Variants in TENM2 observed in about 807,000 individuals in gnomAD.
TENM2 encodes teneurin-2.
TENM2 carries 52 observed loss-of-function variants against 245.2 expected under a neutral mutation model. The ratio of observed to expected loss-of-function variants is 0.21; its 90% CI spans 0.17 to 0.27. TENM2 has a LOEUF of 0.27. Among genes scored for constraint, TENM2 ranks in the 10% least tolerant of loss-of-function variants. The probability of loss-of-function intolerance (pLI) is 1.00; values close to 1 mark genes in which losing one functional copy is unlikely to be tolerated. For missense variants in TENM2, 3,046 were observed against 3,666.8 expected (o/e 0.83, Z 4.37); for synonymous variants, 1,363 against 1,438.9 (o/e 0.95, Z 1.19).
intron 3 of TENM2, among the ~76,000 whole-genome samples, chr5:167,877,978 GC>G (rs1490844913): frequency 6.6e-6 from 1 of 152,098 alleles, no homozygotes; most frequent in Non-Finnish European, 1.5e-5. Flanking sequence ...CCTGCTGATA[GC>G]TTTTTAAAAA....
At chr5:167,911,109 G>A (rs1044347668) in intron 3 of TENM2, among the ~76,000 whole-genome samples, 1 of 152,074 alleles carries the variant, frequency 6.6e-6, no homozygotes, top group Non-Finnish European at 1.5e-5. Flanking sequence ...TCCTTTTGTA[G>A]TAAGGTACAA....
chr5:168,158,118 T>G (rs1394438919), intron 12 of TENM2, among the ~76,000 whole-genome samples: 1 of 152,142 alleles, frequency 6.6e-6, no homozygotes, highest in African/African-American at 2.4e-5. Flanking sequence ...ACATGAGATT[T>G]CACCATTTTG....
chr5:167,743,025 AC>A (rs1554109037), intron 2 of TENM2, among the ~76,000 whole-genome samples: 1 of 151,008 alleles, frequency 6.6e-6, no homozygotes, highest in Non-Finnish European at 1.5e-5. Context: ...ACAACAAACC[AC>A]CCATTCTGAG....
chr5:167,535,050 G>T (rs1014896505), intron 2 of TENM2, among the ~76,000 whole-genome samples: 6 of 152,056 alleles, frequency 3.9e-5, no homozygotes, highest in African/African-American at 1.4e-4. Flanking sequence ...TTCAAACCCA[G>T]TTGTAAAACT....
intron 2 of TENM2, among the ~76,000 whole-genome samples, chr5:167,863,150 G>A (rs956468851): frequency 6.6e-6 from 1 of 152,164 alleles, no homozygotes. Flanking sequence ...GAGAATAATA[G>A]TAACTGCTAG....
At chr5:167,183,021 T>A in the TENM2 span, among the ~76,000 whole-genome samples, 2 of 152,316 alleles carry the variant, frequency 1.3e-5, no homozygotes, top group Admixed American at 1.3e-4. Flanking sequence ...TTAATTTATG[T>A]TCTCCTGCCT....
intron 1 of TENM2, among the ~76,000 whole-genome samples, chr5:167,293,439 C>G (rs1489530175): frequency 7.0e-6 from 1 of 143,550 alleles, no homozygotes; most frequent in Non-Finnish European, 1.5e-5. Flanking sequence ...AGGCTGTTCT[C>G]AAACTCCTGA....
intron 2 of TENM2, among the ~76,000 whole-genome samples, chr5:167,496,623 G>A (rs188407140): frequency 2.6e-3 from 392 of 152,160 alleles, no homozygotes; most frequent in Admixed American, 4.7e-3. Flanking sequence ...TTACAATGCC[G>A]CTTTCTGATA....
intron 2 of TENM2, among the ~76,000 whole-genome samples, chr5:167,647,058 C>G (rs1040439288): frequency 1.3e-5 from 2 of 152,064 alleles, no homozygotes; most frequent in Non-Finnish European, 2.9e-5. Context: ...GGAGTTGAGG[C>G]GTGATAATAC....
intron 2 of TENM2, among the ~76,000 whole-genome samples, chr5:167,798,876 A>T (rs1458049763): frequency 2.0e-5 from 3 of 152,200 alleles, no homozygotes; most frequent in African/African-American, 7.2e-5. Flanking sequence ...AGGACTTAGT[A>T]TGCTGAACCC....
At chr5:167,538,971 T>G (rs1772019663) in intron 2 of TENM2, among the ~76,000 whole-genome samples, 1 of 152,212 alleles carries the variant, frequency 6.6e-6, no homozygotes, top group South Asian at 2.1e-4. Flanking sequence ...AGCATTATTA[T>G]AATCACAAAA....
the TENM2 span, among the ~76,000 whole-genome samples, chr5:167,075,179 G>C: frequency 5.3e-4 from 80 of 152,158 alleles, no homozygotes; most frequent in Middle Eastern, 3.4e-3. Flanking sequence ...GCAAGTAACA[G>C]ACCAGAAAAC....
At chr5:168,080,237 T>C (rs1237233731) in intron 7 of TENM2, among the ~76,000 whole-genome samples, 1 of 152,228 alleles carries the variant, frequency 6.6e-6, no homozygotes, top group African/African-American at 2.4e-5. Context: ...TATAGTATTC[T>C]CTGATGGTAG....
At chr5:168,118,630 C>CTTTGATAAAT (rs1328885906) in intron 10 of TENM2, 144 bp downstream of exon 12, 17 of 559,130 alleles carry the variant, frequency 3.0e-5, no homozygotes, top group African/African-American at 2.6e-4. Context: ...AACTCCTTTG[C>CTTTGATAAAT]TTTGATAAAT....
chr5:167,833,243 C>T (rs1768670343), intron 2 of TENM2, among the ~76,000 whole-genome samples: 1 of 152,078 alleles, frequency 6.6e-6, no homozygotes, highest in African/African-American at 2.4e-5. Flanking sequence ...AATGTATCCA[C>T]AAACGTTATT....
intron 2 of TENM2, among the ~76,000 whole-genome samples, chr5:167,492,460 T>A (rs1448812406): frequency 6.6e-6 from 1 of 152,158 alleles, no homozygotes; most frequent in African/African-American, 2.4e-5. Flanking sequence ...CCACGAAGAA[T>A]CAATGGATGT....
intron 12 of TENM2, chr5:168,149,426 A>T (rs778957012): frequency 2.2e-6 from 1 of 457,104 alleles, no homozygotes; most frequent in Admixed American, 2.3e-5. Context: ...CAACAGGGGT[A>T]GTTGGTGGGG....
At chr5:167,750,809 G>A (rs1172911034) in intron 2 of TENM2, among the ~76,000 whole-genome samples, 1 of 152,032 alleles carries the variant, frequency 6.6e-6, no homozygotes, top group Non-Finnish European at 1.5e-5. Context: ...TTATTTTATA[G>A]CATAACATGG....
chr5:167,952,238 G>A (rs1780169393), intron 3 of TENM2: 1 of 371,488 alleles, frequency 2.7e-6, no homozygotes, highest in Non-Finnish European at 5.0e-6. Context: ...CCTGGAAAGG[G>A]AATAGGGACT....
Sources: gnomAD v4.1 joint callset for allele counts (sites outside exome capture counted in the v4.1 genomes callset) on GRCh38, gnomAD v4.1.1 for gene constraint, MANE v1.5 for transcripts, NCBI Gene and HGNC (gene_info 2026-07-23, HGNC 2026-07-21) for gene names.